Variants in DCAF8 observed in about 807,000 individuals in gnomAD.
DCAF8 encodes the protein DDB1 and CUL4 associated factor 8.
Under a neutral mutation model 68.0 loss-of-function variants are expected in DCAF8, and 20 were observed. The ratio of observed to expected loss-of-function variants is 0.29; its 90% CI spans 0.21 to 0.43. The LOEUF (loss-of-function observed/expected upper bound fraction) is 0.43, where lower values mean the gene tolerates loss of function less well. Among genes scored for constraint, DCAF8 ranks in the 20% least tolerant of loss-of-function variants. The probability of loss-of-function intolerance (pLI) is 1.00; values close to 1 mark genes in which losing one functional copy is unlikely to be tolerated. For synonymous variants in DCAF8, 230 were observed against 276.9 expected, an observed-to-expected ratio of 0.83 and a Z score of 1.68; for missense variants, 460 against 771.0, an observed-to-expected ratio of 0.60 and a Z score of 4.78.
At chr1:160,223,183 C>G (rs1020606107) in intron 10 of DCAF8, among the ~76,000 whole-genome samples, 2 of 152,216 alleles carry the variant, frequency 1.3e-5, no homozygotes, top group Admixed American at 1.3e-4. Context: ...ATCAGCTGAT[C>G]TGAGACTGAT....
At chr1:160,258,032 G>A (rs1656907059) in intron 2 of DCAF8, among the ~76,000 whole-genome samples, 1 of 152,150 alleles carries the variant, frequency 6.6e-6, no homozygotes, top group Non-Finnish European at 1.5e-5. Flanking sequence ...CACTCAGCCT[G>A]GCAGATTCTT....
intron 2 of DCAF8, among the ~76,000 whole-genome samples, chr1:160,248,560 C>T (rs1484390229): frequency 6.6e-6 from 1 of 151,552 alleles, no homozygotes; most frequent in Non-Finnish European, 1.5e-5. Context: ...ATAGTGAAAC[C>T]CCGTCTTTAC....
At chr1:160,262,384 T>C in intron 1 of DCAF8, 65 bp downstream of exon 1, 1 of 399,672 alleles carries the variant, frequency 2.5e-6, no homozygotes. Flanking sequence ...TGCTAGCGGC[T>C]GCTCCGACTG....
In DCAF8 at chr1:160,262,509, C is replaced by G; in HGVS notation, c.-161G>C. The G allele has an allele frequency of 2.5e-6, 1 of 399,648 alleles. No homozygotes were observed. The highest frequency in any genetic ancestry group is 4.4e-6 in the Non-Finnish European group (1 of 226,318). The allele number at this position is 399,648 out of a possible 1,614,324, so 24.8% of individuals were successfully genotyped here. On this transcript the variant is annotated 5_prime_UTR_variant, in exon 1 of 14. Coordinates refer to ENST00000368074, the MANE Select transcript of DCAF8 (RefSeq NM_015726.4). ...CTCTGCGCTTGCGCCTGCGCTGCCA[C>G]GCTTTCCGGCCCCGTTTGCGACGAT...
At position 160,238,575 on chromosome 1, in the gene DCAF8, T is replaced by C. The variant is rs771686897; in HGVS notation, c.864+32A>G. On this transcript the variant is annotated intron_variant, in intron 5 of 13. Coordinates refer to ENST00000368074, the MANE Select transcript of DCAF8 (RefSeq NM_015726.4). ...GGCTGAGAACCACAGAGGATTTGGA[T>C]TGCACAAATTTTGGAGCAAGGTCTT... 44 of 1,570,544 alleles carry C rather than the reference T, an allele frequency of 2.8e-5. 1 individual carries two copies. Among genetic ancestry groups the C allele is most frequent in the South Asian group, 2.0e-4 (17 of 85,274 alleles).
chr1:160,243,893 T>C (rs1656217810), intron 3 of DCAF8, 67 bp downstream of exon 3: 1 of 1,526,384 alleles, frequency 6.6e-7, no homozygotes, highest in South Asian at 1.1e-5. Flanking sequence ...CTCCACTCTA[T>C]CTTGCAGGGA....
At chr1:160,240,991 C>G (rs1656094496) in intron 3 of DCAF8, among the ~76,000 whole-genome samples, 1 of 151,998 alleles carries the variant, frequency 6.6e-6, no homozygotes, top group African/African-American at 2.4e-5. Context: ...GGTGAAACCC[C>G]GTCTCTACTA....
rs897109008 is a variant in DCAF8, at chr1:160,224,285, C to T, written c.1309+157G>A. Among the ~76,000 whole-genome samples, 4 of 152,278 alleles carry T rather than the reference C, an allele frequency of 2.6e-5. No homozygotes were observed. In the South Asian group the frequency reaches 6.2e-4, roughly 24 times the overall value. The stretch of plus-strand genomic sequence containing the variant: ...TTGAGCGCTTTCTCCTCTAGCATAG[C>T]GGAGAAAACATGAAAACTCCAGCCC... On this transcript the variant is annotated intron_variant, in intron 10 of 13. Transcript: ENST00000368074.
At chr1:160,260,226 A>C (rs560069833) in intron 2 of DCAF8, among the ~76,000 whole-genome samples, 2 of 152,320 alleles carry the variant, frequency 1.3e-5, no homozygotes, top group Non-Finnish European at 2.9e-5. Flanking sequence ...AGAGTTGTGG[A>C]AATTAAGAGT....
chr1:160,237,376 G>T, intron 5 of DCAF8, 147 bp from the exon 6 acceptor site: 1 of 629,790 alleles, frequency 1.6e-6, no homozygotes, highest in Non-Finnish European at 2.8e-6. Context: ...CCCAGGAAAG[G>T]ACATAATCTA....
intron 10 of DCAF8, among the ~76,000 whole-genome samples, chr1:160,223,955 A>G (rs1304253201): frequency 1.3e-5 from 2 of 152,170 alleles, no homozygotes; most frequent in Non-Finnish European, 2.9e-5. Context: ...GATGATTTCA[A>G]TGTGCCCCAA....
intron 2 of DCAF8, among the ~76,000 whole-genome samples, chr1:160,255,778 G>A (rs1188676967): frequency 6.6e-6 from 1 of 151,256 alleles, no homozygotes; most frequent in Non-Finnish European, 1.5e-5. Context: ...TGCCACTGCA[G>A]CTGGCTAATT....
intron 2 of DCAF8, among the ~76,000 whole-genome samples, chr1:160,256,032 T>A (rs1007345894): frequency 4.7e-5 from 7 of 147,626 alleles, no homozygotes; most frequent in African/African-American, 1.7e-4. Flanking sequence ...TTTTTTTTTT[T>A]TTTTTTTTAA....
At position 160,229,359 on chromosome 1, in the gene DCAF8, G is replaced by A. The variant is rs573976457; in HGVS notation, c.1070+1938C>T. ...TAAATAGCCAATAGAGGAATATTGA[G>A]GCTGATAAGACACAGAAGATTTGAG... On this transcript the variant is annotated intron_variant, in intron 7 of 13. Coordinates refer to ENST00000368074, the MANE Select transcript of DCAF8 (RefSeq NM_015726.4). Among the ~76,000 whole-genome samples, 56 of 152,194 alleles carry A rather than the reference G, an allele frequency of 3.7e-4. No individual in the cohort carries two copies. The South Asian group carries it at 0.012, about 32-fold the overall frequency.
chr1:160,253,781 G>A (rs981747158), intron 2 of DCAF8, among the ~76,000 whole-genome samples: 30 of 151,882 alleles, frequency 2.0e-4, no homozygotes, highest in African/African-American at 6.3e-4. Context: ...AACTGTGATG[G>A]GGTCACTGCA....
intron 12 of DCAF8, 152 bp downstream of exon 12, chr1:160,218,697 A>G (rs959527359): frequency 2.5e-6 from 3 of 1,210,268 alleles, no homozygotes; most frequent in African/African-American, 1.5e-5. Context: ...GAGCAGGACT[A>G]TTCCTACAGA....
intron 3 of DCAF8, 83 bp from the exon 4 acceptor site, chr1:160,240,453 C>T: frequency 1.5e-6 from 2 of 1,333,406 alleles, no homozygotes; most frequent in Non-Finnish European, 2.0e-6. Flanking sequence ...GAAATCTTCA[C>T]ATCAAAAGAC....
chr1:160,250,759 T>C (rs1375785731), intron 2 of DCAF8, among the ~76,000 whole-genome samples: 2 of 152,204 alleles, frequency 1.3e-5, no homozygotes, highest in African/African-American at 2.4e-5. Flanking sequence ...TACAACCCTA[T>C]TGTCTTGGTG....
chr1:160,247,896 T>A (rs1305250588), intron 2 of DCAF8, among the ~76,000 whole-genome samples: 2 of 152,144 alleles, frequency 1.3e-5, no homozygotes, highest in Admixed American at 1.3e-4. Context: ...ACAACACAAG[T>A]TCCAGAAGAA....
Sources: allele counts gnomAD v4.1 joint callset (sites outside exome capture counted in the v4.1 genomes callset), GRCh38; gene constraint gnomAD v4.1.1; transcripts MANE v1.5; gene names NCBI Gene and HGNC (gene_info 2026-07-23, HGNC 2026-07-21).